The following CNTNAP2 variants were observed in gnomAD, a reference collection of about 807,000 sequenced individuals.
CNTNAP2 encodes contactin-associated protein-like 2.
In CNTNAP2, 98 loss-of-function variants were observed where a neutral mutation model predicts 155.2. The ratio of observed to expected loss-of-function variants is 0.63; its 90% confidence interval spans 0.54 to 0.75. CNTNAP2 has a LOEUF of 0.75. Ranked by LOEUF, CNTNAP2 falls within the 30% of genes least tolerant of loss-of-function variation. The pLI is 0.00. For missense variants in CNTNAP2, 1,727 were observed against 1,688.1 expected (o/e 1.02, Z -0.40); for synonymous variants, 651 against 631.2 (o/e 1.03, Z -0.47).
In CNTNAP2 at chr7:148,119,992, G is replaced by T. The variant is rs191372249; in HGVS notation, c.2554+1704G>T. 2.3e-3 allele frequency among the ~76,000 whole-genome samples: 349 copies of T among 151,756 alleles called. 2 individuals carry two copies. The highest frequency in any genetic ancestry group is 7.6e-3 in the African/African-American group (316 of 41,338). The stretch of plus-strand genomic sequence containing the variant: ...TGAAAGGGGATTCTTGCTTCCCTCA[G>T]TTAAAATTAACTAACTGAATCAAAC... On this transcript the variant is annotated intron_variant, in intron 16 of 23. Coordinates refer to ENST00000361727, the MANE Select transcript of CNTNAP2 (RefSeq NM_014141.6).
chr7:147,388,463 A>G (rs1796657461), intron 9 of CNTNAP2, among the ~76,000 whole-genome samples: 1 of 152,198 alleles, frequency 6.6e-6, no homozygotes, highest in Non-Finnish European at 1.5e-5. Context: ...CTGTATATTG[A>G]CCAAATATAC....
intron 3 of CNTNAP2, among the ~76,000 whole-genome samples, chr7:146,896,753 AGTTT>A (rs1795885602): frequency 6.6e-6 from 1 of 152,106 alleles, no homozygotes; most frequent in Admixed American, 6.6e-5. Flanking sequence ...TCTGATAATT[AGTTT>A]ATTTTCTTCT....
chr7:148,003,652 G>A (rs944464462), intron 15 of CNTNAP2, among the ~76,000 whole-genome samples: 23 of 152,232 alleles, frequency 1.5e-4, no homozygotes, highest in African/African-American at 5.5e-4. Context: ...TATTAGATAA[G>A]CATATGTAGA....
intron 2 of CNTNAP2, among the ~76,000 whole-genome samples, chr7:146,778,284 A>T (rs1056144063): frequency 4.6e-5 from 7 of 152,228 alleles, no homozygotes; most frequent in East Asian, 1.9e-4. Context: ...CATATATTCA[A>T]ATGACAGATT....
intron 8 of CNTNAP2, 141 bp from the exon 9 acceptor site, chr7:147,300,000 C>T (rs374947209): frequency 6.1e-5 from 50 of 821,542 alleles, no homozygotes; most frequent in East Asian, 5.6e-4. Context: ...AGACATGAGA[C>T]GTCAGTTTGA....
chr7:146,323,703 A>G (rs1369051546), intron 1 of CNTNAP2, among the ~76,000 whole-genome samples: 1 of 152,152 alleles, frequency 6.6e-6, no homozygotes, highest in African/African-American at 2.4e-5. Context: ...GGACAAGCAT[A>G]TTTCCAGGAA....
rs1021347225 is a variant in CNTNAP2, at chr7:147,830,258, G to A, written c.2099-73307G>A. ...GCTGGGAAGTCCAAGACCTGCCAAG[G>A]TATTGGTGGATCTGGTGTCTGGTGA... On this transcript the variant is annotated intron_variant, in intron 13 of 23. Transcript: ENST00000361727. 3.9e-5 allele frequency among the ~76,000 whole-genome samples: 6 copies of A among 152,046 alleles called. No homozygotes were observed. The South Asian group carries it at 1.2e-3, about 32-fold the overall frequency.
intron 13 of CNTNAP2, among the ~76,000 whole-genome samples, chr7:147,687,466 A>T (rs1276575410): frequency 6.6e-6 from 1 of 152,102 alleles, no homozygotes; most frequent in African/African-American, 2.4e-5. Flanking sequence ...GTAGAAGCTT[A>T]AGAAGGAAAT....
chr7:147,044,857 T>G (rs1799327186), intron 4 of CNTNAP2, among the ~76,000 whole-genome samples: 1 of 152,094 alleles, frequency 6.6e-6, no homozygotes, highest in Non-Finnish European at 1.5e-5. Context: ...TCAATTTCTT[T>G]AAAATTTTAT....
At chr7:146,891,394 G>A (rs1371118916) in intron 3 of CNTNAP2, among the ~76,000 whole-genome samples, 3 of 152,172 alleles carry the variant, frequency 2.0e-5, no homozygotes, top group East Asian at 3.9e-4. Context: ...ACCCCCGAAT[G>A]TAAAAGTTGA....
At chr7:147,279,466 T>C (rs939812555) in intron 8 of CNTNAP2, among the ~76,000 whole-genome samples, 2 of 151,818 alleles carry the variant, frequency 1.3e-5, no homozygotes, top group Non-Finnish European at 2.9e-5. Context: ...TTTATGCCAA[T>C]AGGACCTAAT....
At chr7:146,785,281 T>C (rs1401779708) in intron 2 of CNTNAP2, among the ~76,000 whole-genome samples, 3 of 152,170 alleles carry the variant, frequency 2.0e-5, no homozygotes, top group Non-Finnish European at 4.4e-5. Flanking sequence ...GCCTATATGC[T>C]AACTTTATTC....
intron 3 of CNTNAP2, among the ~76,000 whole-genome samples, chr7:146,955,799 T>C (rs1238552556): frequency 6.6e-6 from 1 of 152,016 alleles, no homozygotes; most frequent in African/African-American, 2.4e-5. Context: ...GCAGTTTAAT[T>C]TGTGCAGTGT....
At chr7:147,497,785 G>T (rs1394131573) in intron 11 of CNTNAP2, among the ~76,000 whole-genome samples, 1 of 152,148 alleles carries the variant, frequency 6.6e-6, no homozygotes, top group African/African-American at 2.4e-5. Flanking sequence ...AATAAAACCT[G>T]CATTGGGGCA....
intron 14 of CNTNAP2, among the ~76,000 whole-genome samples, chr7:147,908,470 A>G (rs1271799040): frequency 6.6e-5 from 10 of 152,172 alleles, no homozygotes. Context: ...TGCTGTTTAC[A>G]AGTGTTGTCT....
intron 4 of CNTNAP2, among the ~76,000 whole-genome samples, chr7:147,107,792 T>G (rs1800796738): frequency 6.6e-6 from 1 of 152,142 alleles, no homozygotes; most frequent in African/African-American, 2.4e-5. Flanking sequence ...AATCAAACAT[T>G]TAAGTCTCAT....
At chr7:147,410,307 A>C (rs1022106101) in intron 10 of CNTNAP2, among the ~76,000 whole-genome samples, 3 of 152,218 alleles carry the variant, frequency 2.0e-5, no homozygotes. Flanking sequence ...CAAATGTCAC[A>C]TGTTCTCACT....
At chr7:146,476,453 T>C (rs995850069) in intron 1 of CNTNAP2, among the ~76,000 whole-genome samples, 1 of 151,932 alleles carries the variant, frequency 6.6e-6, no homozygotes, top group Non-Finnish European at 1.5e-5. Flanking sequence ...ATTTATTTTC[T>C]CAAAAAAGAG....
At chr7:146,639,771 G>T (rs1350087664) in intron 1 of CNTNAP2, among the ~76,000 whole-genome samples, 3 of 152,182 alleles carry the variant, frequency 2.0e-5, no homozygotes, top group South Asian at 4.1e-4. Context: ...ATCTATCAAA[G>T]ACATAGGTCA....
Sources: gnomAD v4.1 joint callset for allele counts (sites outside exome capture counted in the v4.1 genomes callset) on GRCh38, gnomAD v4.1.1 for gene constraint, MANE v1.5 for transcripts, NCBI Gene and HGNC (gene_info 2026-07-23, HGNC 2026-07-21) for gene names.